TOP2B: variants seen among roughly 807,000 people sequenced by gnomAD.
TOP2B encodes the protein DNA topoisomerase 2-beta.
TOP2B carries 51 observed loss-of-function variants against 193.5 expected under a neutral mutation model. The observed-to-expected ratio is 0.26, with a 90% CI of 0.21 to 0.33. The LOEUF is 0.33. Among genes scored for constraint, TOP2B ranks in the 10% least tolerant of loss-of-function variants. TOP2B has a pLI of 1.00. For synonymous variants in TOP2B, 634 were observed against 635.7 expected (o/e 1.00, Z 0.04); for missense variants, 1,378 against 1,909.3 (o/e 0.72, Z 5.19).
chr3:25,644,532 C>G (rs1031649243), intron 2 of TOP2B, among the ~76,000 whole-genome samples: 13 of 151,982 alleles, frequency 8.6e-5, no homozygotes, highest in African/African-American at 2.7e-4. Context: ...AAAACACTGT[C>G]TCTACTAACA....
rs1336474982 is a variant in TOP2B at position 25,609,639 on chromosome 3, C to T, written c.3860G>A (p.Gly1287Glu). ...EFSGAPVEGA[G>E]EEALTPSVPI... ...AACTGATGGAGTCAATGCCTCTTCT[C>T]CTGCACCTTCTACTGGTGCTCCACT... is the stretch of plus-strand genomic sequence containing the variant. The change falls in exon 29 of 36, where the codon GGA (glycine) becomes GAA (glutamate). Residue 1287 changes from glycine to glutamate, a missense_variant. Gly to Glu is a moderately conservative substitution (Grantham distance 98). Transcript: ENST00000264331. 6.3e-7 allele frequency: 1 copy of T among 1,574,856 alleles called. No individual in the cohort carries two copies. The highest frequency in any genetic ancestry group is 1.2e-5 in the South Asian group (1 of 83,942).
chr3:25,648,943 C>T (rs1307985044), intron 1 of TOP2B, among the ~76,000 whole-genome samples: 1 of 151,976 alleles, frequency 6.6e-6, no homozygotes, highest in East Asian at 1.9e-4. Context: ...AAATTAACTG[C>T]CATAAGGATG....
intron 10 of TOP2B, 101 bp downstream of exon 10, chr3:25,632,345 G>T: frequency 9.6e-7 from 1 of 1,041,836 alleles, no homozygotes; most frequent in Non-Finnish European, 1.4e-6. Context: ...TATACCCACA[G>T]TTAATACGAT....
intron 31 of TOP2B, among the ~76,000 whole-genome samples, chr3:25,606,605 T>C (rs1702243288): frequency 1.3e-5 from 2 of 152,156 alleles, no homozygotes; most frequent in African/African-American, 4.8e-5. Context: ...TTTCAGGATC[T>C]GGTGAAGGCC....
At chr3:25,659,672 T>A (rs1484713451) in intron 1 of TOP2B, among the ~76,000 whole-genome samples, 2 of 152,244 alleles carry the variant, frequency 1.3e-5, no homozygotes, top group African/African-American at 2.4e-5. Context: ...CATTATGCTA[T>A]ACTAAGTACA....
chr3:25,602,814 G>C (rs533643811), intron 33 of TOP2B, among the ~76,000 whole-genome samples: 1 of 152,328 alleles, frequency 6.6e-6, no homozygotes, highest in Admixed American at 6.5e-5. Flanking sequence ...CTGCCTTTCT[G>C]CTGTAAACTA....
chr3:25,656,959 C>T (rs1430308701), intron 1 of TOP2B, among the ~76,000 whole-genome samples: 1 of 152,220 alleles, frequency 6.6e-6, no homozygotes, highest in Non-Finnish European at 1.5e-5. Flanking sequence ...ATTACTTCTG[C>T]AACCCCAACT....
intron 1 of TOP2B, among the ~76,000 whole-genome samples, chr3:25,662,588 T>C (rs771072424): frequency 6.6e-6 from 1 of 152,240 alleles, no homozygotes; most frequent in African/African-American, 2.4e-5. Context: ...TTCAAATGGA[T>C]TTTTCTATCT....
At chr3:25,654,479 T>C (rs1353699638) in intron 1 of TOP2B, among the ~76,000 whole-genome samples, 1 of 152,082 alleles carries the variant, frequency 6.6e-6, no homozygotes, top group East Asian at 1.9e-4. Flanking sequence ...ATTTAAAAGC[T>C]TAAAATATTG....
At chr3:25,657,748 T>C (rs1318359374) in intron 1 of TOP2B, among the ~76,000 whole-genome samples, 1 of 152,140 alleles carries the variant, frequency 6.6e-6, no homozygotes, top group Non-Finnish European at 1.5e-5. Context: ...GAATAAAAAT[T>C]AACAACATGC....
At chr3:25,632,328 GCATGCTTAT>G in intron 10 of TOP2B, 109 bp downstream of exon 10, 1 of 827,704 alleles carries the variant, frequency 1.2e-6, no homozygotes, top group Non-Finnish European at 1.9e-6. Flanking sequence ...TGTAGTGCAA[GCATGCTTAT>G]ACCCACAGTT....
intron 25 of TOP2B, among the ~76,000 whole-genome samples, chr3:25,617,567 AG>A (rs1313058728): frequency 6.6e-6 from 1 of 152,196 alleles, no homozygotes; most frequent in Admixed American, 6.5e-5. Flanking sequence ...ACTCAAGTAC[AG>A]GGAAGTTTAA....
chr3:25,620,066 T>TA lies in TOP2B; in HGVS notation c.2863-5dup, dbSNP rs3832214. ...CTAAAACCTGTTCTTTATATACCTA[T>TA]AAAGATTTAAAAATTAGTGATTCTT... On this transcript the variant is annotated splice_region_variant and splice_polypyrimidine_tract_variant and intron_variant, in intron 22 of 35. Coordinates refer to ENST00000264331, the MANE Select transcript of TOP2B (RefSeq NM_001330700.2). 0.28 allele frequency: 411,200 copies of TA among 1,456,988 alleles called. 60,478 individuals are homozygous for TA. Among genetic ancestry groups the TA allele is most frequent in the African/African-American group, 0.46 (32,330 of 70,596 alleles). 90.3% of individuals were successfully genotyped at this position (1,456,988 alleles called of 1,614,324 possible). A position where few individuals can be genotyped will look rare whatever the true frequency, so the allele number is the denominator to read the frequency against.
At position 25,637,211 on chromosome 3, in the gene TOP2B, A is replaced by C; in HGVS notation, c.639+4T>G. 1 of 1,543,422 alleles carries C rather than the reference A, an allele frequency of 6.5e-7. No individual in the cohort carries two copies. Among genetic ancestry groups the C allele is most frequent in the Non-Finnish European group, 8.8e-7 (1 of 1,139,220 alleles). ...AAAAAGAAATAGATGTGTTTCTAGC[A>C]TACCTGCTTAAAACTGTGTTTGTAT... On this transcript the variant is annotated splice_donor_region_variant and intron_variant, in intron 6 of 35. Coordinates refer to ENST00000264331, the MANE Select transcript of TOP2B (RefSeq NM_001330700.2).
rs772495778 is a variant in TOP2B at position 25,598,421 on chromosome 3, G to A, written c.4767C>T (p.Asp1589=). 5.6e-6 allele frequency: 9 copies of A among 1,613,302 alleles called. No individual in the cohort carries two copies. Among genetic ancestry groups the A allele is most frequent in the African/African-American group, 5.3e-5 (4 of 74,926 alleles). ...GCAGAGAAGGTGGCTCAGTAGGGAA[G>A]TCTGAGGGGAAGATGTCCACATCTG... The part of the protein sequence containing the change: ...QDSDVDIFPS[D]FPTEPPSLPR... Residue 1589 remains aspartate, a synonymous_variant, in exon 36 of 36, where the codon GAC becomes GAT. Transcript: ENST00000264331.
intron 8 of TOP2B, among the ~76,000 whole-genome samples, chr3:25,633,520 G>A (rs1360737406): frequency 1.4e-5 from 2 of 146,202 alleles, no homozygotes; most frequent in African/African-American, 4.9e-5. Context: ...TCAGTCACCA[G>A]CCCCCTCTCC....
At position 25,627,070 on chromosome 3, in the gene TOP2B, A is replaced by G. The variant is rs576928244; in HGVS notation, c.2016+117T>C. On this transcript the variant is annotated intron_variant, in intron 16 of 35. Transcript: ENST00000264331. ...ACAGCATCATCTGGGGGAAAAATTA[A>G]AATTAACTAGCTTGAGCATTCAAAA... is the stretch of plus-strand genomic sequence containing the variant. 3.8e-6 allele frequency: 3 copies of G among 799,892 alleles called. No homozygotes were observed. The East Asian group carries it at 7.5e-5, about 20-fold the overall frequency. The allele number at this position is 799,892 out of a possible 1,614,324, so 49.5% of individuals were successfully genotyped here.
At chr3:25,621,893 A>G (rs9833930) in intron 21 of TOP2B, among the ~76,000 whole-genome samples, 86,727 of 151,576 alleles carry the variant, frequency 0.57, 27,525 homozygotes, top group African/African-American at 0.87. Context: ...GGAGGCTGAG[A>G]CAGCAGAATC....
chr3:25,607,599 T>G (rs917583875), intron 30 of TOP2B, among the ~76,000 whole-genome samples: 1 of 152,196 alleles, frequency 6.6e-6, no homozygotes, highest in Non-Finnish European at 1.5e-5. Context: ...CATAATACTG[T>G]GCATGTTAGG....
Sources: allele counts gnomAD v4.1 joint callset (sites outside exome capture counted in the v4.1 genomes callset), GRCh38; gene constraint gnomAD v4.1.1; transcripts MANE v1.5; gene names NCBI Gene and HGNC (gene_info 2026-07-23, HGNC 2026-07-21).